Variants in SNAP23 observed in about 807,000 individuals in gnomAD.
SNAP23 encodes synaptosomal-associated protein 23.
Under a neutral mutation model 29.0 loss-of-function variants are expected in SNAP23, and 11 were observed. That is an observed-to-expected ratio of 0.38 (90% CI 0.24 to 0.63). The LOEUF (loss-of-function observed/expected upper bound fraction) is 0.63, where lower values mean the gene tolerates loss of function less well. Among genes scored for constraint, SNAP23 ranks in the 20% least tolerant of loss-of-function variants. SNAP23 has a pLI of 0.58. For missense variants in SNAP23, 220 were observed against 253.9 expected (o/e 0.87, Z 0.91); for synonymous variants, 60 against 82.9 (o/e 0.72, Z 1.50).
chr15:42,512,977 T>C lies in SNAP23; in HGVS notation c.80T>C (p.Ile27Thr), dbSNP rs767486687. 3 of 1,612,138 alleles carry C rather than the reference T, an allele frequency of 1.9e-6. No homozygotes were observed. In the South Asian group the frequency reaches 3.3e-5, roughly 18 times the overall value. Residue 27 changes from isoleucine to threonine, a missense_variant, in exon 3 of 8, where the codon ATC becomes ACC. Ile to Thr is a moderately conservative substitution (Grantham distance 89). Coordinates refer to ENST00000249647, the MANE Select transcript of SNAP23 (RefSeq NM_003825.4). ...TDESLESTRR[I>T]LGLAIESQDA... ...TAGTCTCTGGAAAGTACGAGGAGAA[T>C]CCTGGGTTTAGCCATTGAGGTAAGA...
At chr15:42,528,731 G>T (rs1006805983) in intron 6 of SNAP23, among the ~76,000 whole-genome samples, 1 of 152,096 alleles carries the variant, frequency 6.6e-6, no homozygotes, top group Non-Finnish European at 1.5e-5. Flanking sequence ...GACTACAGGT[G>T]TGCGCCACCA....
chr15:42,493,974 GAACTGCCTCTA>G (rs1268869335), upstream of SNAP23, among the ~76,000 whole-genome samples: 1 of 151,242 alleles, frequency 6.6e-6, no homozygotes, highest in Non-Finnish European at 1.5e-5. Context: ...CCAGTGTTTC[GAACTGCCTCTA>G]AACTGCCTCT....
chr15:42,498,601 G>A (rs2057243308), intron 1 of SNAP23, among the ~76,000 whole-genome samples: 1 of 152,182 alleles, frequency 6.6e-6, no homozygotes, highest in Admixed American at 6.5e-5. Context: ...TCTCTGATAT[G>A]CCCTGGAGAC....
Position 42,511,850 on chromosome 15 carries a change from G to A in SNAP23, c.4G>A (p.Asp2Asn), listed in dbSNP as rs181598526. Residue 2 changes from aspartate to asparagine, a missense_variant, in exon 2 of 8, where the codon GAT becomes AAT. Physicochemically the swap from Asp to Asn is conservative, Grantham distance 23. Transcript: ENST00000249647. The part of the protein sequence containing the change: M[D>N]NLSSEEIQQR... ...CCTAATAGAGTTTTGATTCATCATGGATAATCTGTCATCAGAAGAAATTCA... is the reference window on the plus strand; with the variant it reads ...CCTAATAGAGTTTTGATTCATCATGAATAATCTGTCATCAGAAGAAATTCA... 7 of 1,585,672 alleles carry A rather than the reference G, an allele frequency of 4.4e-6. No homozygotes were observed. The Admixed American group carries it at 5.2e-5, about 12-fold the overall frequency.
intron 5 of SNAP23, among the ~76,000 whole-genome samples, chr15:42,527,134 G>A (rs1219553721): frequency 6.6e-6 from 1 of 152,100 alleles, no homozygotes; most frequent in East Asian, 1.9e-4. Flanking sequence ...TACTGTGCCC[G>A]GCCTTGATCG....
upstream of SNAP23, among the ~76,000 whole-genome samples, chr15:42,492,330 C>T (rs1175075164): frequency 6.6e-6 from 1 of 152,062 alleles, no homozygotes; most frequent in African/African-American, 2.4e-5. Context: ...AGTGTCCCTC[C>T]TATATTATTG....
rs2057573343 is a variant in SNAP23, at chr15:42,532,274, A to T, written c.*796A>T. The T allele has an allele frequency of 6.6e-6, 1 of 152,168 alleles. No individual in the cohort carries two copies. The highest frequency in any genetic ancestry group is 2.4e-5 in the African/African-American group (1 of 41,436). 9.4% of individuals were successfully genotyped at this position (152,168 alleles called of 1,614,324 possible). ...CTCGGCTAATTTTTGTATTTTTAGT[A>T]GAGACAGGGTTTCACCATGTCAAGC... is the stretch of plus-strand genomic sequence containing the variant. On this transcript the variant is annotated 3_prime_UTR_variant, in exon 8 of 8. Transcript: ENST00000249647.
intron 5 of SNAP23, among the ~76,000 whole-genome samples, chr15:42,525,996 C>T (rs1293697872): frequency 1.3e-5 from 2 of 152,114 alleles, no homozygotes; most frequent in East Asian, 1.9e-4. Flanking sequence ...CCTTAATAGA[C>T]CAGAACCCAA....
At chr15:42,517,177 C>T (rs990564891) in intron 5 of SNAP23, among the ~76,000 whole-genome samples, 3 of 152,214 alleles carry the variant, frequency 2.0e-5, no homozygotes, top group African/African-American at 7.2e-5. Context: ...GCCTCTGCCT[C>T]CCAAAGTGCG....
chr15:42,528,865 C>T (rs2057533887), intron 6 of SNAP23, among the ~76,000 whole-genome samples: 1 of 152,210 alleles, frequency 6.6e-6, no homozygotes. Flanking sequence ...GGATTACAGG[C>T]ATAAGCTACC....
At chr15:42,525,704 T>G (rs1566819689) in intron 5 of SNAP23, among the ~76,000 whole-genome samples, 2 of 151,846 alleles carry the variant, frequency 1.3e-5, no homozygotes, top group Admixed American at 1.3e-4. Context: ...CTTCGTGATC[T>G]GCCTGCCTCG....
At chr15:42,526,353 TAAA>T (rs2057502340) in intron 5 of SNAP23, among the ~76,000 whole-genome samples, 1 of 152,106 alleles carries the variant, frequency 6.6e-6, no homozygotes, top group Admixed American at 6.6e-5. Flanking sequence ...GGTTAATTAA[TAAA>T]AACAGCATAG....
At chr15:42,519,834 G>C (rs1316630452) in intron 5 of SNAP23, among the ~76,000 whole-genome samples, 2 of 152,036 alleles carry the variant, frequency 1.3e-5, no homozygotes, top group Admixed American at 6.5e-5. Context: ...ATTTAATTAT[G>C]TGGTACTGTC....
At chr15:42,493,037 G>A (rs1275411759), upstream of SNAP23, 1 of 152,204 alleles carries the variant, frequency 6.6e-6, no homozygotes, top group Non-Finnish European at 1.5e-5. Context: ...GGTATCCTGT[G>A]CATTATAAGA....
chr15:42,514,385 T>C (rs2057381892), intron 4 of SNAP23, among the ~76,000 whole-genome samples: 1 of 149,756 alleles, frequency 6.7e-6, no homozygotes. Flanking sequence ...CAAGAGTCAC[T>C]TGATCCGCCC....
At chr15:42,524,245 C>T (rs548442369) in intron 5 of SNAP23, among the ~76,000 whole-genome samples, 1 of 152,118 alleles carries the variant, frequency 6.6e-6, no homozygotes, top group Non-Finnish European at 1.5e-5. Context: ...CCTCCTGGAT[C>T]GCTAAATGTC....
chr15:42,522,633 G>C (rs1187526334), intron 5 of SNAP23, among the ~76,000 whole-genome samples: 1 of 145,300 alleles, frequency 6.9e-6, no homozygotes, highest in Non-Finnish European at 1.5e-5. Context: ...TTTTCTCCTT[G>C]ATGTGAAATA....
intron 1 of SNAP23, among the ~76,000 whole-genome samples, chr15:42,502,007 G>A (rs1448987840): frequency 1.3e-5 from 2 of 151,108 alleles, no homozygotes; most frequent in Non-Finnish European, 2.9e-5. Context: ...TTCCAGGGAC[G>A]TGAGTGCTTA....
chr15:42,522,978 G>C (rs907659418), intron 5 of SNAP23, among the ~76,000 whole-genome samples: 1 of 150,132 alleles, frequency 6.7e-6, no homozygotes, highest in African/African-American at 2.4e-5. Context: ...ACGAGTAACT[G>C]GGATTACAAG....
Sources: allele counts gnomAD v4.1 joint callset (sites outside exome capture counted in the v4.1 genomes callset), GRCh38; gene constraint gnomAD v4.1.1; transcripts MANE v1.5; gene names NCBI Gene and HGNC (gene_info 2026-07-23, HGNC 2026-07-21).